DTNB: variants seen among roughly 807,000 people sequenced by gnomAD.
DTNB encodes the protein dystrobrevin beta.
In DTNB, 63 loss-of-function variants were observed where a neutral mutation model predicts 90.7. The observed-to-expected ratio is 0.69, with a 90% CI of 0.57 to 0.86. The LOEUF is 0.86. DTNB is among the 40% of genes least tolerant of loss of function. The pLI is 0.00. For missense variants in DTNB, 744 were observed against 807.1 expected (o/e 0.92, Z 0.95); for synonymous variants, 277 against 286.7 (o/e 0.97, Z 0.34).
intron 5 of DTNB, among the ~76,000 whole-genome samples, chr2:25,606,191 T>TA (rs34742111): frequency 0.53 from 78,542 of 148,206 alleles, 21,196 homozygotes; most frequent in African/African-American, 0.65. Context: ...TCTTTCAATT[T>TA]AAAAAAAAAA....
Position 25,377,433 on chromosome 2 carries a change from G to T in DTNB, c.*150C>A, listed in dbSNP as rs554448806. 3.9e-5 allele frequency: 6 copies of T among 152,964 alleles called. No individual in the cohort carries two copies. Among genetic ancestry groups the T allele is most frequent in the African/African-American group, 1.4e-4 (6 of 41,464 alleles). The allele number at this position is 152,964 out of a possible 1,614,324, so 9.5% of individuals were successfully genotyped here. ...CTCCCCTCTCCCTGGCGGGTGGAGTGACGTCTGGCAGCCTGCAAGCCTGGT... is the reference window on the plus strand; with the variant it reads ...CTCCCCTCTCCCTGGCGGGTGGAGTTACGTCTGGCAGCCTGCAAGCCTGGT... On this transcript the variant is annotated 3_prime_UTR_variant, in exon 21 of 21. Coordinates refer to ENST00000406818, the MANE Select transcript of DTNB (RefSeq NM_021907.5).
At chr2:25,436,993 G>A (rs1013930075) in intron 12 of DTNB, among the ~76,000 whole-genome samples, 1 of 152,188 alleles carries the variant, frequency 6.6e-6, no homozygotes, top group African/African-American at 2.4e-5. Flanking sequence ...ATCTTCCACA[G>A]AGGAGGTTAA....
chr2:25,455,137 A>T (rs532177874), intron 11 of DTNB, among the ~76,000 whole-genome samples: 1 of 152,264 alleles, frequency 6.6e-6, no homozygotes, highest in South Asian at 2.1e-4. Context: ...AGGTTTATAT[A>T]TTTTTTGAGT....
chr2:25,473,508 GAGAC>G (rs1219242316), intron 10 of DTNB, among the ~76,000 whole-genome samples: 9 of 152,208 alleles, frequency 5.9e-5, no homozygotes, highest in Middle Eastern at 3.2e-3. Flanking sequence ...ATCAGAAAGA[GAGAC>G]AGACAGAGAC....
chr2:25,614,167 AAG>A (rs1361359201), intron 4 of DTNB, among the ~76,000 whole-genome samples: 1 of 152,180 alleles, frequency 6.6e-6, no homozygotes, highest in Non-Finnish European at 1.5e-5. Flanking sequence ...TCAGGAAAAA[AAG>A]AGAATTTCTT....
intron 8 of DTNB, among the ~76,000 whole-genome samples, chr2:25,556,249 T>C (rs926002582): frequency 6.8e-6 from 1 of 147,158 alleles, no homozygotes; most frequent in African/African-American, 2.5e-5. Flanking sequence ...AAAATCCTAG[T>C]ATACTTGGTA....
Position 25,602,047 on chromosome 2 carries a change from G to A in DTNB, c.448+5189C>T, listed in dbSNP as rs567270630. ...TGAGGCAGGAGAATCACTTGAACCCGGGAGGTGGAAGCTGCGGTGAGCCGA... is the reference window on the plus strand; with the variant it reads ...TGAGGCAGGAGAATCACTTGAACCCAGGAGGTGGAAGCTGCGGTGAGCCGA... On this transcript the variant is annotated intron_variant, in intron 5 of 20. Coordinates refer to ENST00000406818, the MANE Select transcript of DTNB (RefSeq NM_021907.5). Among the ~76,000 whole-genome samples the A allele has an allele frequency of 3.6e-4, 54 of 150,994 alleles. 2 individuals carry two copies. The South Asian group carries it at 0.011, about 29-fold the overall frequency.
At chr2:25,529,642 A>G (rs913886506) in intron 9 of DTNB, among the ~76,000 whole-genome samples, 1 of 152,188 alleles carries the variant, frequency 6.6e-6, no homozygotes, top group Non-Finnish European at 1.5e-5. Context: ...CAAGAAAATC[A>G]ATCCAGTTAA....
At chr2:25,440,078 C>T (rs1156573968) in intron 12 of DTNB, among the ~76,000 whole-genome samples, 1 of 152,104 alleles carries the variant, frequency 6.6e-6, no homozygotes, top group East Asian at 1.9e-4. Flanking sequence ...GGGGTTGTAG[C>T]ATCTAGAGCA....
At chr2:25,493,490 T>G (rs1158308091) in intron 9 of DTNB, among the ~76,000 whole-genome samples, 2 of 152,176 alleles carry the variant, frequency 1.3e-5, no homozygotes, top group East Asian at 3.8e-4. Context: ...CACTTCAGTC[T>G]CCCATCTCTC....
rs774642204 is a variant in DTNB, at chr2:25,433,927, T to G, written c.1326A>C (p.Glu442Asp). 1 of 1,613,942 alleles carries G rather than the reference T, an allele frequency of 6.2e-7. No individual in the cohort carries two copies. The highest frequency in any genetic ancestry group is 1.3e-5 in the African/African-American group (1 of 75,052). Residue 442 changes from glutamate (E) to aspartate (D), a missense_variant, in exon 13 of 21, where the codon GAA (glutamate) becomes GAC (aspartate). Transcript: ENST00000406818. ...ANKQQRQLIA[E>D]LENKNREILQ... is the part of the protein sequence containing the mutation. The stretch of plus-strand genomic sequence containing the variant: ...GTTCTTACCTGTTTTTGTTTTCCAG[T>G]TCTGCAATAAGCTGTCTTTGTTGTT...
intron 12 of DTNB, among the ~76,000 whole-genome samples, chr2:25,437,976 G>A (rs536853301): frequency 1.3e-5 from 2 of 152,266 alleles, no homozygotes; most frequent in East Asian, 1.9e-4. Context: ...ACAGTGAACC[G>A]GGACAGAAAA....
At chr2:25,409,744 C>A (rs756406238) in intron 16 of DTNB, among the ~76,000 whole-genome samples, 1 of 152,216 alleles carries the variant, frequency 6.6e-6, no homozygotes, top group African/African-American at 2.4e-5. Context: ...AACCGACGGT[C>A]CTTCTCCTGC....
At chr2:25,407,625 C>T (rs1026843029) in intron 16 of DTNB, among the ~76,000 whole-genome samples, 1 of 152,120 alleles carries the variant, frequency 6.6e-6, no homozygotes. Flanking sequence ...TTTGCAGCAA[C>T]CTGAATGGAC....
chr2:25,574,432 C>G (rs886563732), intron 8 of DTNB, among the ~76,000 whole-genome samples: 8 of 152,180 alleles, frequency 5.3e-5, no homozygotes, highest in African/African-American at 1.7e-4. Flanking sequence ...TACTGCATAG[C>G]TACTGAGATA....
At chr2:25,550,297 A>G (rs2083363028) in intron 8 of DTNB, among the ~76,000 whole-genome samples, 4 of 152,148 alleles carry the variant, frequency 2.6e-5, no homozygotes, top group Admixed American at 2.6e-4. Flanking sequence ...AGGCTGAGGC[A>G]AGAGAATGGC....
At chr2:25,634,517 G>A (rs1424918977) in intron 3 of DTNB, among the ~76,000 whole-genome samples, 1 of 149,462 alleles carries the variant, frequency 6.7e-6, no homozygotes, top group Admixed American at 6.6e-5. Context: ...TGGGAAGTGA[G>A]GAGCCCCTCT....
intron 8 of DTNB, among the ~76,000 whole-genome samples, chr2:25,554,165 C>A (rs2056876951): frequency 6.6e-6 from 1 of 152,090 alleles, no homozygotes; most frequent in Admixed American, 6.5e-5. Context: ...AGCTTTTGAC[C>A]AAAGTTCAAG....
chr2:25,474,084 C>T lies in DTNB; in HGVS notation c.1079+8712G>A, dbSNP rs147863425. Among the ~76,000 whole-genome samples the T allele has an allele frequency of 7.5e-4, 114 of 152,198 alleles. 1 individual carries two copies. The East Asian group carries it at 0.017, about 23-fold the overall frequency. On this transcript the variant is annotated intron_variant, in intron 10 of 20. Coordinates refer to ENST00000406818, the MANE Select transcript of DTNB (RefSeq NM_021907.5). ...AAGTATGGACTTGGAAATACTCAAA[C>T]TTTCTGTTTGTACTAATCTGAGTTA...
Sources: allele counts gnomAD v4.1 joint callset (sites outside exome capture counted in the v4.1 genomes callset), GRCh38; gene constraint gnomAD v4.1.1; transcripts MANE v1.5; gene names NCBI Gene and HGNC (gene_info 2026-07-23, HGNC 2026-07-21).